DGLUCY: variants seen among roughly 807,000 people sequenced by gnomAD.
The protein encoded by DGLUCY is D-glutamate cyclase.
Under a neutral mutation model 58.5 loss-of-function variants are expected in DGLUCY, and 58 were observed. The ratio of observed to expected loss-of-function variants is 0.99; its 90% CI spans 0.80 to 1.23. The LOEUF is 1.23. Ranked by LOEUF, DGLUCY falls within the 50% of genes most tolerant of loss-of-function variation. DGLUCY has a pLI of 0.00. For synonymous variants in DGLUCY, 325 were observed against 314.1 expected, an observed-to-expected ratio of 1.03 and a Z score of -0.37; for missense variants, 779 against 784.7, an observed-to-expected ratio of 0.99 and a Z score of 0.09.
chr14:91,221,194 C>T (rs1358554913), intron 13 of DGLUCY, among the ~76,000 whole-genome samples: 1 of 152,248 alleles, frequency 6.6e-6, no homozygotes. Context: ...GCATAGCAGC[C>T]ATGTGGTTTG....
At chr14:91,157,009 G>A (rs1346123987) in intron 1 of DGLUCY, among the ~76,000 whole-genome samples, 1 of 152,200 alleles carries the variant, frequency 6.6e-6, no homozygotes, top group African/African-American at 2.4e-5. Context: ...GTGGGTGGGT[G>A]AATGGATGAA....
chr14:91,061,309 C>T (rs1566924103), intron 1 of DGLUCY, among the ~76,000 whole-genome samples: 1 of 152,184 alleles, frequency 6.6e-6, no homozygotes, highest in South Asian at 2.1e-4. Context: ...CAAAAATTCA[C>T]AGTCCCAGCT....
intron 1 of DGLUCY, among the ~76,000 whole-genome samples, chr14:91,142,839 A>AC (rs1566963270): frequency 1.3e-3 from 70 of 55,950 alleles, no homozygotes; most frequent in African/African-American, 4.2e-3. Flanking sequence ...CATCTCTACT[A>AC]AACACACACA....
intron 3 of DGLUCY, among the ~76,000 whole-genome samples, chr14:91,161,250 T>A (rs1322566492): frequency 6.6e-6 from 1 of 152,192 alleles, no homozygotes; most frequent in African/African-American, 2.4e-5. Context: ...TTTTGTATTT[T>A]TAGTAGAGAC....
chr14:91,161,651 T>C (rs534425613), intron 3 of DGLUCY, among the ~76,000 whole-genome samples: 33 of 152,162 alleles, frequency 2.2e-4, no homozygotes, highest in African/African-American at 7.9e-4. Flanking sequence ...CCCAAACGCA[T>C]ACCAAGCTTC....
At chr14:91,199,109 T>C (rs1293277488) in intron 10 of DGLUCY, among the ~76,000 whole-genome samples, 1 of 152,140 alleles carries the variant, frequency 6.6e-6, no homozygotes, top group Non-Finnish European at 1.5e-5. Flanking sequence ...CAGCCAATAC[T>C]CTCAGCCTCT....
At position 91,181,315 on chromosome 14, in the gene DGLUCY, T is replaced by G. The variant is rs760307051; in HGVS notation, c.860T>G (p.Leu287Arg). The change falls in exon 8 of 14, where the codon CTG (leucine) becomes CGG (arginine). Residue 287 changes from leucine (L) to arginine (R), a missense_variant. Physicochemically the swap from Leu to Arg is moderately radical, Grantham distance 102. Transcript: ENST00000256324. ...GTCCATCACATTTCCCAAGATCCTC[T>G]GCACTACAGCATCGCGTCAGTCTCT... ...PEVHHISQDP[L>R]HYSIASVSAS... 1.9e-6 allele frequency: 3 copies of G among 1,614,210 alleles called. No individual in the cohort carries two copies. Among genetic ancestry groups the G allele is most frequent in the Non-Finnish European group, 2.5e-6 (3 of 1,180,044 alleles).
intron 5 of DGLUCY, among the ~76,000 whole-genome samples, chr14:91,170,871 G>A (rs1438008780): frequency 6.6e-6 from 1 of 152,204 alleles, no homozygotes; most frequent in Non-Finnish European, 1.5e-5. Context: ...CTTTATTTAT[G>A]GAGGACTTGG....
chr14:91,074,042 T>C (rs2140033521), intron 1 of DGLUCY, among the ~76,000 whole-genome samples: 1 of 145,336 alleles, frequency 6.9e-6, no homozygotes, highest in East Asian at 2.0e-4. Context: ...GATTGCTTGA[T>C]CCCAGGAGTT....
At chr14:91,185,193 T>G (rs2049426151) in intron 8 of DGLUCY, among the ~76,000 whole-genome samples, 1 of 150,320 alleles carries the variant, frequency 6.7e-6, no homozygotes, top group African/African-American at 2.4e-5. Flanking sequence ...TGTCTCGAAC[T>G]CCTGGCCTCA....
In DGLUCY at chr14:91,167,652, C is replaced by G. The variant is rs572844477; in HGVS notation, c.257+274C>G. On this transcript the variant is annotated intron_variant, in intron 4 of 13. Transcript: ENST00000256324. Reference sequence around the variant, plus strand: ...TCCCACTGGCTCTGCCATCTGTCCACTCCATCGCCCAAGCCAGAAACCCGC... The same window carrying G: ...TCCCACTGGCTCTGCCATCTGTCCAGTCCATCGCCCAAGCCAGAAACCCGC... The G allele has an allele frequency of 4.3e-6, 3 of 704,904 alleles. No individual in the cohort carries two copies. The African/African-American group carries it at 5.2e-5, about 12-fold the overall frequency. 43.7% of individuals were successfully genotyped at this position (704,904 alleles called of 1,614,324 possible).
intron 11 of DGLUCY, among the ~76,000 whole-genome samples, chr14:91,204,173 C>T (rs1047661217): frequency 6.6e-6 from 1 of 152,182 alleles, no homozygotes; most frequent in Non-Finnish European, 1.5e-5. Context: ...GACTATGTAG[C>T]CTCTTTCAAA....
chr14:91,155,698 A>G (rs1035127200), intron 1 of DGLUCY, among the ~76,000 whole-genome samples: 1 of 149,498 alleles, frequency 6.7e-6, no homozygotes, highest in Non-Finnish European at 1.5e-5. Flanking sequence ...CAGGGGACTG[A>G]GGTGGGAGGA....
At position 91,199,877 on chromosome 14, in the gene DGLUCY, G is replaced by T. The variant is rs761446928; in HGVS notation, c.1416G>T (p.Ala472=). The stretch of plus-strand genomic sequence containing the variant: ...CCATTGACGATCTTTTTCTTGCTGC[G>T]AAGAAGATTCCTGGAATCTCATCAA... ...VDPIDDLFLA[A]KKIPGISSTG... Residue 472 remains alanine (A), a synonymous_variant, in exon 11 of 14, where the codon GCG becomes GCT. Transcript: ENST00000256324. 6.2e-7 allele frequency: 1 copy of T among 1,614,000 alleles called. No homozygotes were observed. Among genetic ancestry groups the T allele is most frequent in the East Asian group, 2.2e-5 (1 of 44,896 alleles).
In DGLUCY at chr14:91,215,633, G is replaced by C. The variant is rs759326603; in HGVS notation, c.1716+77G>C. The C allele has an allele frequency of 3.7e-6, 6 of 1,606,212 alleles. No homozygotes were observed. The Admixed American group carries it at 8.4e-5, about 22-fold the overall frequency. On this transcript the variant is annotated intron_variant, in intron 13 of 13. Coordinates refer to ENST00000256324, the MANE Select transcript of DGLUCY (RefSeq NM_001102368.3). Reference sequence around the variant, plus strand: ...AGCAGCAGGCCTGAGGTCCCAAGCCGTAAGCCGAGGGCTGGCACCCTGCTG... The same window carrying C: ...AGCAGCAGGCCTGAGGTCCCAAGCCCTAAGCCGAGGGCTGGCACCCTGCTG...
chr14:91,169,904 C>T (rs2048477611), intron 4 of DGLUCY, 99 bp from the exon 5 acceptor site: 2 of 1,305,248 alleles, frequency 1.5e-6, no homozygotes, highest in Admixed American at 1.9e-5. Context: ...AATTTCAGCA[C>T]TAGACATCCT....
intron 3 of DGLUCY, among the ~76,000 whole-genome samples, chr14:91,163,125 G>C (rs1157070379): frequency 6.6e-6 from 1 of 151,518 alleles, no homozygotes; most frequent in East Asian, 1.9e-4. Flanking sequence ...CCAGGTGTGG[G>C]GGCATGCGCC....
intron 1 of DGLUCY, among the ~76,000 whole-genome samples, chr14:91,061,180 A>G (rs1026433741): frequency 1.3e-5 from 2 of 152,188 alleles, no homozygotes; most frequent in Admixed American, 1.3e-4. Context: ...GCAGCGATCC[A>G]TGCGTGTGTG....
At chr14:91,212,108 T>G (rs1885771661) in intron 12 of DGLUCY, among the ~76,000 whole-genome samples, 1 of 152,232 alleles carries the variant, frequency 6.6e-6, no homozygotes, top group Non-Finnish European at 1.5e-5. Flanking sequence ...TGGCTGATTA[T>G]GACTTTTTAG....
Sources: gnomAD v4.1 joint callset for allele counts (sites outside exome capture counted in the v4.1 genomes callset) on GRCh38, gnomAD v4.1.1 for gene constraint, MANE v1.5 for transcripts, NCBI Gene and HGNC (gene_info 2026-07-23, HGNC 2026-07-21) for gene names.